The following ANO2 variants were observed in gnomAD, a reference collection of about 807,000 sequenced individuals.
The protein encoded by ANO2 is anoctamin-2.
A neutral mutation model predicts 124.2 loss-of-function variants in ANO2; 101 were observed. That is an observed-to-expected ratio of 0.81 (90% CI 0.69 to 0.96). ANO2 has a LOEUF of 0.96. Ranked by LOEUF, ANO2 falls within the 40% of genes least tolerant of loss-of-function variation. ANO2 has a pLI of 0.00. For synonymous variants in ANO2, 486 were observed against 482.5 expected (o/e 1.01, Z -0.09); for missense variants, 1,293 against 1,274.5 (o/e 1.01, Z -0.22).
At position 5,904,059 on chromosome 12, in the gene ANO2, C is replaced by A. The variant is rs1940508638; in HGVS notation, c.534+16981G>T. Among the ~76,000 whole-genome samples, 1 of 152,176 alleles carries A rather than the reference C, an allele frequency of 6.6e-6. No homozygotes were observed. The highest frequency in any genetic ancestry group is 2.1e-4 in the South Asian group (1 of 4,820). ...TGCTTTCTTCATTAAACACTGACCT[C>A]CCCAAATGTGCCCACCACATGATCA... On this transcript the variant is annotated intron_variant, in intron 3 of 24. Transcript: ENST00000682330. This position sits in a 1 kb window ranked among gnomAD's most constrained non-coding sequence, Gnocchi z 4.1.
intron 4 of ANO2, among the ~76,000 whole-genome samples, chr12:5,845,569 A>G (rs1411511516): frequency 8.3e-6 from 1 of 121,138 alleles, no homozygotes; most frequent in Admixed American, 7.7e-5. Flanking sequence ...TACATCTCAA[A>G]AAAAAAAAAA....
At chr12:5,628,949 C>G (rs1472738229) in intron 16 of ANO2, among the ~76,000 whole-genome samples, 1 of 152,182 alleles carries the variant, frequency 6.6e-6, no homozygotes, top group Non-Finnish European at 1.5e-5. Context: ...CAATGGAACT[C>G]ACGGCCTTTC....
chr12:5,755,241 A>G (rs888900399), intron 10 of ANO2, among the ~76,000 whole-genome samples: 1 of 151,850 alleles, frequency 6.6e-6, no homozygotes, highest in East Asian at 1.9e-4. Context: ...CTCACCTGCA[A>G]GGTTTCTGCT....
intron 15 of ANO2, among the ~76,000 whole-genome samples, chr12:5,641,182 C>T (rs1252726773): frequency 7.1e-6 from 1 of 140,412 alleles, no homozygotes; most frequent in African/African-American, 2.7e-5. Flanking sequence ...AATGAGAACA[C>T]TTGGACACAG....
rs1555100504 is a variant in ANO2 at position 5,610,723 on chromosome 12, C to CATATATACATATATAT, written c.2087+1932_2087+1933insATATATATGTATATAT. On this transcript the variant is annotated intron_variant, in intron 19 of 24. Coordinates refer to ENST00000682330, the MANE Select transcript of ANO2 (RefSeq NM_001364791.2). ...ATACATGTATGTGTACACATATATA[C>CATATATACATATATAT]ATATATATATATATATATATGAAAA... Among the ~76,000 whole-genome samples the CATATATACATATATAT allele has an allele frequency of 1.6e-3, 182 of 116,862 alleles. 3 individuals carry two copies. The highest frequency in any genetic ancestry group is 4.8e-3 in the African/African-American group (142 of 29,672). The allele number at this position is 116,862 out of a possible 152,430, so 76.7% of individuals were successfully genotyped here.
intron 22 of ANO2, 82 bp downstream of exon 22, chr12:5,577,873 G>A: frequency 7.1e-7 from 1 of 1,412,274 alleles, no homozygotes; most frequent in Non-Finnish European, 9.8e-7. Flanking sequence ...GAGGTGCAAG[G>A]GCTGGCTTCC....
chr12:5,686,410 A>C (rs2137007351), intron 14 of ANO2, among the ~76,000 whole-genome samples: 2 of 152,342 alleles, frequency 1.3e-5, no homozygotes, highest in Middle Eastern at 6.8e-3. Flanking sequence ...TATTAAGCAC[A>C]TACTATGTGC....
At chr12:5,613,901 A>G (rs1944668189) in intron 17 of ANO2, among the ~76,000 whole-genome samples, 1 of 152,204 alleles carries the variant, frequency 6.6e-6, no homozygotes, top group South Asian at 2.1e-4. Context: ...GAAAGCACCA[A>G]TGAAGTGTAT....
chr12:5,832,666 A>AC, intron 4 of ANO2, 63 bp from the exon 5 acceptor site: 1 of 1,513,698 alleles, frequency 6.6e-7, no homozygotes, highest in African/African-American at 1.4e-5. Context: ...GAATGGCTTC[A>AC]CAAAAAAAAG....
chr12:5,610,546 GT>G (rs1944461512), intron 19 of ANO2, among the ~76,000 whole-genome samples: 1 of 135,674 alleles, frequency 7.4e-6, no homozygotes. Context: ...CATATTTTAT[GT>G]TTTATAAAAT....
chr12:5,946,022 G>A, upstream of ANO2: 1 of 1,113,236 alleles, frequency 9.0e-7, no homozygotes, highest in Non-Finnish European at 1.3e-6. This position sits in a 1 kb window ranked among gnomAD's most constrained non-coding sequence, Gnocchi z 4.1. Context: ...GACCTCCAAA[G>A]GGCCCTTCTG....
At chr12:5,626,424 C>A (rs574146091) in intron 16 of ANO2, among the ~76,000 whole-genome samples, 2 of 152,268 alleles carry the variant, frequency 1.3e-5, no homozygotes, top group Admixed American at 1.3e-4. Flanking sequence ...CCTGGAAGAG[C>A]CCATGCTGTC....
chr12:5,657,035 G>A (rs1008463147), intron 14 of ANO2, among the ~76,000 whole-genome samples: 2 of 152,226 alleles, frequency 1.3e-5, no homozygotes, highest in Non-Finnish European at 2.9e-5. Flanking sequence ...AACTGTGGAT[G>A]GAGAAGGTTG....
intron 16 of ANO2, among the ~76,000 whole-genome samples, chr12:5,622,109 T>A (rs905223935): frequency 1.3e-5 from 2 of 151,702 alleles, no homozygotes; most frequent in African/African-American, 4.8e-5. Context: ...TTGGAAAACA[T>A]ATCTTGAAAA....
At chr12:5,620,686 C>T (rs886394846) in intron 16 of ANO2, among the ~76,000 whole-genome samples, 13 of 151,982 alleles carry the variant, frequency 8.6e-5, no homozygotes, top group Non-Finnish European at 1.3e-4. Flanking sequence ...AAAAGCCTTC[C>T]GTGATATTCC....
At chr12:5,591,652 A>G (rs1943400109) in intron 20 of ANO2, among the ~76,000 whole-genome samples, 1 of 152,206 alleles carries the variant, frequency 6.6e-6, no homozygotes, top group Admixed American at 6.5e-5. Flanking sequence ...CTTTACATAC[A>G]TAGGGGAAAA....
intron 12 of ANO2, chr12:5,740,582 A>G (rs1301040988): frequency 6.6e-6 from 1 of 152,482 alleles, no homozygotes; most frequent in Non-Finnish European, 1.5e-5. Flanking sequence ...CAAGACATAA[A>G]GTGATCAGGG....
chr12:5,895,335 G>T (rs1939706635), intron 3 of ANO2, among the ~76,000 whole-genome samples: 1 of 152,114 alleles, frequency 6.6e-6, no homozygotes, highest in Non-Finnish European at 1.5e-5. Flanking sequence ...TTTGCACATT[G>T]ATTTTATATT....
rs1034620210 is a variant in ANO2 at position 5,921,241 on chromosome 12, C to T, written c.333G>A (p.Gly111=). The part of the protein sequence containing the change: ...YVLAYHYRKR[G]VHLAQGFPGH... ...CAGGGAAGCCTTGGGCCAGGTGCAC[C>T]CCGCGTTTCCGGTAGTGGTAGGCAA... The change falls in exon 3 of 25, where the codon GGG becomes GGA. Residue 111 remains glycine, a synonymous_variant. Coordinates refer to ENST00000682330, the MANE Select transcript of ANO2 (RefSeq NM_001364791.2). 26 of 1,613,820 alleles carry T rather than the reference C, an allele frequency of 1.6e-5. No individual in the cohort carries two copies. The Middle Eastern group carries it at 4.9e-4, about 31-fold the overall frequency.
Sources: allele counts gnomAD v4.1 joint callset (sites outside exome capture counted in the v4.1 genomes callset), GRCh38; gene constraint gnomAD v4.1.1; non-coding constraint Gnocchi (gnomAD v3.1); transcripts MANE v1.5; gene names NCBI Gene and HGNC (gene_info 2026-07-23, HGNC 2026-07-21).